IQCH: variants seen among roughly 807,000 people sequenced by gnomAD.
IQCH encodes IQ motif containing H.
IQCH carries 98 observed loss-of-function variants against 117.0 expected under a neutral mutation model. That is an observed-to-expected ratio of 0.84 (90% CI 0.71 to 0.99). IQCH has a LOEUF of 0.99. IQCH is among the 50% of genes least tolerant of loss of function. IQCH has a pLI of 0.00. For synonymous variants in IQCH, 412 were observed against 448.2 expected (o/e 0.92, Z 1.02); for missense variants, 1,102 against 1,243.8 (o/e 0.89, Z 1.72).
chr15:67,438,601 C>A (rs1174628692), intron 16 of IQCH, among the ~76,000 whole-genome samples: 10 of 152,176 alleles, frequency 6.6e-5, no homozygotes, highest in African/African-American at 1.9e-4. Flanking sequence ...AAATGCTCCA[C>A]TTAAAAGATA....
intron 14 of IQCH, among the ~76,000 whole-genome samples, chr15:67,414,404 G>A (rs1174688711): frequency 4.6e-5 from 7 of 152,040 alleles, no homozygotes; most frequent in Non-Finnish European, 1.0e-4. Context: ...TGGCTGGAAC[G>A]ACCTCAGGAA....
At position 67,373,529 on chromosome 15, in the gene IQCH, C is replaced by T. The variant is rs749858125; in HGVS notation, c.1372+96C>T. ...TTCAAGGAAGGCCCCTTGTTTTATT[C>T]AAATTGGTCTCGGCAGGAAAATGTT... On this transcript the variant is annotated intron_variant, in intron 10 of 20. Transcript: ENST00000335894. 3 of 851,628 alleles carry T rather than the reference C, an allele frequency of 3.5e-6. No individual in the cohort carries two copies. The Admixed American group carries it at 5.3e-5, about 15-fold the overall frequency. 52.8% of individuals were successfully genotyped at this position (851,628 alleles called of 1,614,324 possible).
At chr15:67,455,660 A>G (rs766765215) in intron 16 of IQCH, among the ~76,000 whole-genome samples, 14 of 152,196 alleles carry the variant, frequency 9.2e-5, no homozygotes, top group Non-Finnish European at 1.3e-4. Flanking sequence ...ATCTTCCCCA[A>G]TGGGATCCAC....
rs377738077 is a variant in IQCH at position 67,400,272 on chromosome 15, T to C, written c.2064T>C (p.Tyr688=). The C allele has an allele frequency of 9.3e-6, 15 of 1,613,588 alleles. No homozygotes were observed. Among genetic ancestry groups the C allele is most frequent in the Middle Eastern group, 1.6e-4 (1 of 6,082 alleles). Residue 688 remains tyrosine, a synonymous_variant, in exon 14 of 21, where the codon TAT becomes TAC. Coordinates refer to ENST00000335894, the MANE Select transcript of IQCH (RefSeq NM_001031715.3). ...YKWVLKESSR[Y]GLEDWRKKWA... ...GGGTGCTAAAGGAGAGTAGCAGATA[T>C]GGCCTTGAAGACTGGAGAAAGAAAT...
rs1970504769 is a variant in IQCH at position 67,370,923 on chromosome 15, C to G, written c.754-1188C>G. Among the ~76,000 whole-genome samples, 1 of 149,342 alleles carries G rather than the reference C, an allele frequency of 6.7e-6. No individual in the cohort carries two copies. The highest frequency in any genetic ancestry group is 2.1e-4 in the South Asian group (1 of 4,720). On this transcript the variant is annotated intron_variant, in intron 8 of 20. Coordinates refer to ENST00000335894, the MANE Select transcript of IQCH (RefSeq NM_001031715.3). The surrounding 1 kb of genome is among the most constrained non-coding windows in gnomAD (Gnocchi z 5.6). ...GTGAATAATCTGATATAGTAATACT[C>G]AACACAGTGCTGTGGCGTAATCATT...
At chr15:67,307,318 C>T (rs548996017) in intron 4 of IQCH, 1 of 285,502 alleles carries the variant, frequency 3.5e-6, no homozygotes, top group South Asian at 1.4e-4. Flanking sequence ...TTTCCACTAA[C>T]TTAGTTGGGT....
intron 1 of IQCH, among the ~76,000 whole-genome samples, chr15:67,255,881 C>G (rs1965158639): frequency 6.6e-6 from 1 of 152,216 alleles, no homozygotes; most frequent in African/African-American, 2.4e-5. Flanking sequence ...CATACCTAAT[C>G]TTACCTGATC....
At chr15:67,328,619 G>C (rs922018950) in intron 4 of IQCH, among the ~76,000 whole-genome samples, 8 of 152,100 alleles carry the variant, frequency 5.3e-5, no homozygotes, top group African/African-American at 1.9e-4. Context: ...ATTCTAGAAG[G>C]AACATTGTAA....
intron 10 of IQCH, among the ~76,000 whole-genome samples, chr15:67,383,047 G>A (rs570898026): frequency 1.2e-4 from 19 of 152,178 alleles, no homozygotes; most frequent in Non-Finnish European, 2.5e-4. Context: ...CTCTGCTGAT[G>A]TCATTGTACA....
At chr15:67,483,709 T>TCCCA (rs2083399819) in intron 18 of IQCH, among the ~76,000 whole-genome samples, 1 of 152,132 alleles carries the variant, frequency 6.6e-6, no homozygotes, top group Non-Finnish European at 1.5e-5. Context: ...CAACAAAGCC[T>TCCCA]GGAGTTCAAA....
intron 9 of IQCH, 51 bp from the exon 10 acceptor site, chr15:67,373,316 T>G (rs756880483): frequency 9.8e-6 from 12 of 1,224,962 alleles, no homozygotes; most frequent in Non-Finnish European, 1.4e-5. Context: ...TTTGACTAGA[T>G]GAATCCACTA....
chr15:67,287,034 A>G (rs1596104641), intron 4 of IQCH, among the ~76,000 whole-genome samples: 1 of 152,326 alleles, frequency 6.6e-6, no homozygotes, highest in East Asian at 1.9e-4. Flanking sequence ...AAATGATCAT[A>G]TGGTTTTGTC....
In IQCH at chr15:67,453,505, G is replaced by C. The variant is rs2082584387; in HGVS notation, c.2506-11622G>C. Among the ~76,000 whole-genome samples the C allele has an allele frequency of 6.6e-6, 1 of 152,210 alleles. No individual in the cohort carries two copies. The highest frequency in any genetic ancestry group is 2.4e-5 in the African/African-American group (1 of 41,452). On this transcript the variant is annotated intron_variant, in intron 16 of 20. Transcript: ENST00000335894. The surrounding 1 kb of genome is among the most constrained non-coding windows in gnomAD (Gnocchi z 5.8). ...TAGAAGTCCACTCCAGACACTGTTT[G>C]CCTGGGTATCAGCAGCGGTGGCTGC...
chr15:67,288,769 G>T lies in IQCH; in HGVS notation c.387+9257G>T, dbSNP rs1440153920. On this transcript the variant is annotated intron_variant, in intron 4 of 20. Coordinates refer to ENST00000335894, the MANE Select transcript of IQCH (RefSeq NM_001031715.3). ...AAGTTATTACTGATAACTACGTTAG[G>T]TACTCTTCTAAGCACTGGAGGACTT... is the stretch of plus-strand genomic sequence containing the variant. Among the ~76,000 whole-genome samples, 2 of 152,040 alleles carry T rather than the reference G, an allele frequency of 1.3e-5. 1 individual carries two copies. The highest frequency in any genetic ancestry group is 1.3e-4 in the Admixed American group (2 of 15,184).
intron 16 of IQCH, among the ~76,000 whole-genome samples, chr15:67,428,485 T>C (rs2081942807): frequency 6.6e-6 from 1 of 152,184 alleles, no homozygotes; most frequent in Admixed American, 6.5e-5. Context: ...TGTGATTAAG[T>C]TAAGGATCTT....
chr15:67,261,676 T>G (rs1965466830), intron 2 of IQCH, among the ~76,000 whole-genome samples: 1 of 152,200 alleles, frequency 6.6e-6, no homozygotes, highest in African/African-American at 2.4e-5. Flanking sequence ...GAAAAATAAT[T>G]ACTATTACTT....
chr15:67,312,967 C>A (rs1967672648), intron 4 of IQCH, among the ~76,000 whole-genome samples: 1 of 152,098 alleles, frequency 6.6e-6, no homozygotes, highest in Non-Finnish European at 1.5e-5. Context: ...GAAGTAAGTA[C>A]CCATAGACTA....
chr15:67,455,561 CT>C (rs1217766455), intron 16 of IQCH, among the ~76,000 whole-genome samples: 1 of 152,250 alleles, frequency 6.6e-6, no homozygotes, highest in Admixed American at 6.5e-5. Context: ...AGCCAACTCA[CT>C]GCACTGATTA....
At chr15:67,320,871 A>G (rs1188924740) in intron 4 of IQCH, among the ~76,000 whole-genome samples, 1 of 152,192 alleles carries the variant, frequency 6.6e-6, no homozygotes, top group Non-Finnish European at 1.5e-5. Flanking sequence ...ACATGAGGTT[A>G]AAGATAGTCA....
Sources: allele counts gnomAD v4.1 joint callset (sites outside exome capture counted in the v4.1 genomes callset), GRCh38; gene constraint gnomAD v4.1.1; non-coding constraint Gnocchi (gnomAD v3.1); transcripts MANE v1.5; gene names NCBI Gene and HGNC (gene_info 2026-07-23, HGNC 2026-07-21).